Variants in ITGAD observed in about 807,000 individuals in gnomAD.
The protein encoded by ITGAD is integrin subunit alpha D.
Under a neutral mutation model 139.0 loss-of-function variants are expected in ITGAD, and 105 were observed. The ratio of observed to expected loss-of-function variants is 0.76; its 90% CI spans 0.65 to 0.89. The LOEUF is 0.89. Ranked by LOEUF, ITGAD falls within the 40% of genes least tolerant of loss-of-function variation. The probability of loss-of-function intolerance (pLI) is 0.00; values close to 1 mark genes in which losing one functional copy is unlikely to be tolerated. For missense variants in ITGAD, 1,384 were observed against 1,487.3 expected (o/e 0.93, Z 1.14); for synonymous variants, 569 against 598.3 (o/e 0.95, Z 0.71).
At position 31,411,217 on chromosome 16, in the gene ITGAD, G is replaced by A; in HGVS notation, c.1497+1G>A. The A allele has an allele frequency of 6.2e-7, 1 of 1,613,228 alleles. No homozygotes were observed. Among genetic ancestry groups the A allele is most frequent in the East Asian group, 2.2e-5 (1 of 44,876 alleles). On this transcript the variant is annotated splice_donor_variant, in intron 13 of 29. Coordinates refer to ENST00000389202, the MANE Select transcript of ITGAD (RefSeq NM_005353.3). LOFTEE classifies it high-confidence loss of function. ...GTCCGTGTGTCCCTTGCCTAGGGGG[G>A]TGAGTGGCTGATGGGACCTAGGCTG...
At chr16:31,419,263 A>C (rs1381434423) in intron 23 of ITGAD, among the ~76,000 whole-genome samples, 1 of 152,172 alleles carries the variant, frequency 6.6e-6, no homozygotes, top group Middle Eastern at 3.2e-3. Context: ...GTCTCCTAAA[A>C]TTATAACGGA....
At chr16:31,393,479 C>T (rs2081187007) in intron 1 of ITGAD, 88 bp downstream of exon 1, 2 of 1,393,146 alleles carry the variant, frequency 1.4e-6, no homozygotes, top group Non-Finnish European at 2.0e-6. Flanking sequence ...TGGTGGTCGG[C>T]TCCAACCACT....
intron 23 of ITGAD, among the ~76,000 whole-genome samples, chr16:31,419,907 A>G (rs1408366254): frequency 6.6e-6 from 1 of 152,036 alleles, no homozygotes; most frequent in Non-Finnish European, 1.5e-5. Context: ...TTTGTACCCT[A>G]ATAATATATA....
chr16:31,395,876 C>T (rs964267218), intron 2 of ITGAD, among the ~76,000 whole-genome samples: 23 of 152,162 alleles, frequency 1.5e-4, no homozygotes, highest in South Asian at 1.0e-3. Context: ...GCTCCAACCG[C>T]GCACCCCTCT....
chr16:31,399,461 G>T (rs985160693), intron 5 of ITGAD, among the ~76,000 whole-genome samples: 1 of 152,164 alleles, frequency 6.6e-6, no homozygotes, highest in Non-Finnish European at 1.5e-5. Flanking sequence ...GACCAGAGAG[G>T]CCATGATGAC....
rs764756095 is a variant in ITGAD, at chr16:31,423,558, T to C, written c.2968-13T>C. The C allele has an allele frequency of 3.7e-6, 6 of 1,613,462 alleles. No homozygotes were observed. Among genetic ancestry groups the C allele is most frequent in the Non-Finnish European group, 1.7e-6 (2 of 1,179,422 alleles). ...TGCTCATTCTGTGGCTAAGTGCTTC[T>C]TTCTCTTCCCAGAGTCTCCCCTGTG... On this transcript the variant is annotated splice_polypyrimidine_tract_variant and intron_variant, in intron 25 of 29. Transcript: ENST00000389202.
At chr16:31,407,982 T>G in intron 9 of ITGAD, 66 bp downstream of exon 9, 1 of 1,478,262 alleles carries the variant, frequency 6.8e-7, no homozygotes, top group Non-Finnish European at 9.0e-7. Flanking sequence ...GTGCAGGCTT[T>G]TTTTTTTTGA....
intron 5 of ITGAD, among the ~76,000 whole-genome samples, chr16:31,401,684 T>C (rs1012108269): frequency 6.6e-6 from 1 of 152,200 alleles, no homozygotes; most frequent in South Asian, 2.1e-4. Flanking sequence ...GCCACTGATA[T>C]TACCTTCATT....
rs746806292 is a variant in ITGAD, at chr16:31,397,689, G to T, written c.312+23G>T. On this transcript the variant is annotated intron_variant, in intron 4 of 29. Transcript: ENST00000389202. ...CTGGTGAGTGAGTGTCTTGGGCCAC[G>T]GGGGGGTGGGGTGGGGCGGGGGGTG... 1.0e-5 allele frequency: 16 copies of T among 1,531,324 alleles called. No individual in the cohort carries two copies. The Admixed American group carries it at 2.0e-4, about 20-fold the overall frequency. 94.9% of individuals were successfully genotyped at this position (1,531,324 alleles called of 1,614,324 possible). A position where few individuals can be genotyped will look rare whatever the true frequency, so the allele number is the denominator to read the frequency against.
chr16:31,423,436 G>A lies in ITGAD; in HGVS notation c.2944G>A (p.Val982Met). Residue 982 changes from valine to methionine, a missense_variant, in exon 25 of 30, where the codon GTG becomes ATG. Physicochemically the swap from Val to Met is conservative, Grantham distance 21 (BLOSUM62 1). Coordinates refer to ENST00000389202, the MANE Select transcript of ITGAD (RefSeq NM_005353.3). Reference sequence around the variant, plus strand: ...GCTGAACGGGGTGGCTGTGTGGGATGTGGTCATGGAGGCCCCATCTCAGGT... The same window carrying A: ...GCTGAACGGGGTGGCTGTGTGGGATATGGTCATGGAGGCCCCATCTCAGGT... ...VLLNGVAVWD[V>M]VMEAPSQSLP... 1.9e-6 allele frequency: 3 copies of A among 1,614,014 alleles called. No individual in the cohort carries two copies. The highest frequency in any genetic ancestry group is 4.5e-5 in the East Asian group (2 of 44,892).
rs990259001 is a variant in ITGAD at position 31,402,298 on chromosome 16, C to T, written c.558+53C>T. On this transcript the variant is annotated intron_variant, in intron 6 of 29. Coordinates refer to ENST00000389202, the MANE Select transcript of ITGAD (RefSeq NM_005353.3). ...TTTGGGGGACGGGGGAGGCTGGCCT[C>T]GGGGAGGCATCCCGGGAGGGGTGGG... 13 of 124,292 alleles carry T rather than the reference C, an allele frequency of 1.0e-4. 1 individual carries two copies. Among genetic ancestry groups the T allele is most frequent in the Admixed American group, 7.2e-4 (7 of 9,724 alleles). The allele number at this position is 124,292 out of a possible 1,614,324, so 7.7% of individuals were successfully genotyped here.
intron 20 of ITGAD, 50 bp downstream of exon 20, chr16:31,416,696 T>C (rs1294386901): frequency 1.3e-6 from 2 of 1,555,908 alleles, no homozygotes; most frequent in African/African-American, 2.7e-5. Context: ...CCCTGCCCTG[T>C]AGCCCCGGGA....
intron 9 of ITGAD, 151 bp downstream of exon 9, chr16:31,408,067 G>T (rs2081585666): frequency 2.5e-6 from 2 of 799,292 alleles, no homozygotes; most frequent in East Asian, 2.8e-5. Flanking sequence ...TGCCTCCTGG[G>T]TTCAAGTGAT....
intron 20 of ITGAD, among the ~76,000 whole-genome samples, chr16:31,417,201 G>A (rs1030621042): frequency 2.0e-4 from 27 of 136,200 alleles, no homozygotes; most frequent in African/African-American, 6.5e-4. Context: ...ATGCCACTAC[G>A]CCCAGCTAAT....
intron 20 of ITGAD, among the ~76,000 whole-genome samples, chr16:31,416,996 C>A (rs986703691): frequency 1.8e-5 from 2 of 110,116 alleles, no homozygotes; most frequent in African/African-American, 6.8e-5. Flanking sequence ...TCTCTCCTTC[C>A]CCCCTCCCTC....
At position 31,423,365 on chromosome 16, in the gene ITGAD, G is replaced by A. The variant is rs1567355097; in HGVS notation, c.2873G>A (p.Ser958Asn). The A allele has an allele frequency of 1.2e-6, 2 of 1,614,122 alleles. No individual in the cohort carries two copies. The highest frequency in any genetic ancestry group is 1.7e-6 in the Non-Finnish European group (2 of 1,179,990). ...GATTTCCTGCAGGTGAATAACCTCA[G>A]CCAGCGAGATCTGGCCATCAGCATT... The part of the protein sequence containing the change: ...AEHRYRVNNL[S>N]QRDLAISINF... Residue 958 changes from serine to asparagine, a missense_variant, in exon 25 of 30, where the codon AGC becomes AAC. Transcript: ENST00000389202.
chr16:31,404,434 T>C (rs2081487617), intron 7 of ITGAD: 1 of 152,186 alleles, frequency 6.6e-6, no homozygotes, highest in Non-Finnish European at 1.5e-5. Context: ...AAACAAGAGA[T>C]GCTCCCACCA....
At chr16:31,424,377 T>A (rs1267618936) in intron 28 of ITGAD, 90 bp from the exon 29 acceptor site, 6 of 1,288,362 alleles carry the variant, frequency 4.7e-6, no homozygotes, top group Admixed American at 3.5e-5. Flanking sequence ...GAGCAGAGCC[T>A]CAGAAAGGAG....
chr16:31,411,586 TCCTGTCTCTGTCA>T (rs1160987975), intron 14 of ITGAD, 69 bp downstream of exon 14: 3 of 1,453,972 alleles, frequency 2.1e-6, no homozygotes, highest in Non-Finnish European at 2.9e-6. Context: ...GAACGCAGCC[TCCTGTCTCTGTCA>T]CCATTCCCTT....
Sources: gnomAD v4.1 joint callset for allele counts (sites outside exome capture counted in the v4.1 genomes callset) on GRCh38, gnomAD v4.1.1 for gene constraint, MANE v1.5 for transcripts, NCBI Gene and HGNC (gene_info 2026-07-23, HGNC 2026-07-21) for gene names.